The following PALM2AKAP2 variants were observed in gnomAD, a reference collection of about 807,000 sequenced individuals.
PALM2AKAP2 encodes PALM2 and AKAP2 fusion.
PALM2AKAP2 carries 37 observed loss-of-function variants against 71.5 expected under a neutral mutation model. That is an observed-to-expected ratio of 0.52 (90% CI 0.40 to 0.68). The LOEUF (loss-of-function observed/expected upper bound fraction) is 0.68, where lower values mean the gene tolerates loss of function less well. Ranked by LOEUF, PALM2AKAP2 falls within the 30% of genes least tolerant of loss-of-function variation. PALM2AKAP2 has a pLI of 0.00. For missense variants in PALM2AKAP2, 1,224 were observed against 1,191.8 expected, an observed-to-expected ratio of 1.03 and a Z score of -0.40; for synonymous variants, 468 against 478.8, an observed-to-expected ratio of 0.98 and a Z score of 0.29.
At chr9:110,003,962 A>G (rs1329174144) in intron 6 of PALM2AKAP2, among the ~76,000 whole-genome samples, 2 of 152,062 alleles carry the variant, frequency 1.3e-5, no homozygotes, top group Non-Finnish European at 2.9e-5. Context: ...TAGCACACTG[A>G]TGGGTCTTGA....
At chr9:110,150,071 G>A (rs2119181300) in intron 2 of PALM2AKAP2, among the ~76,000 whole-genome samples, 1 of 152,290 alleles carries the variant, frequency 6.6e-6, no homozygotes, top group East Asian at 1.9e-4. Context: ...TTTACATGAA[G>A]TCACAGAGTG....
chr9:110,111,775 G>A (rs769505350), intron 1 of PALM2AKAP2, among the ~76,000 whole-genome samples: 1 of 152,076 alleles, frequency 6.6e-6, no homozygotes, highest in Non-Finnish European at 1.5e-5. Flanking sequence ...ATGGAAGGAT[G>A]AACATTTTAA....
intron 1 of PALM2AKAP2, among the ~76,000 whole-genome samples, chr9:109,836,004 C>A (rs925577703): frequency 2.0e-5 from 3 of 152,196 alleles, no homozygotes; most frequent in Non-Finnish European, 4.4e-5. Context: ...ACTTAAATGT[C>A]CCTGTCTGAC....
intron 1 of PALM2AKAP2, among the ~76,000 whole-genome samples, chr9:109,668,505 G>T (rs1217685641): frequency 6.6e-6 from 1 of 152,232 alleles, no homozygotes; most frequent in Non-Finnish European, 1.5e-5. Context: ...TCAGAGCACA[G>T]CTGAAGCTTA....
intron 1 of PALM2AKAP2, among the ~76,000 whole-genome samples, chr9:109,815,558 G>T (rs1263971924): frequency 6.6e-6 from 1 of 152,250 alleles, no homozygotes; most frequent in South Asian, 2.1e-4. Context: ...AGGTGAAGAT[G>T]AAAGAACTTT....
chr9:110,087,943 A>C (rs1834610941), intron 1 of PALM2AKAP2, among the ~76,000 whole-genome samples: 1 of 152,170 alleles, frequency 6.6e-6, no homozygotes, highest in African/African-American at 2.4e-5. Context: ...TCAAGGGAGG[A>C]GGTCTCTGAG....
chr9:109,666,613 T>C (rs1827489483), intron 1 of PALM2AKAP2, among the ~76,000 whole-genome samples: 1 of 152,244 alleles, frequency 6.6e-6, no homozygotes. Flanking sequence ...CCATGCTTTA[T>C]GCCGTTGCTC....
At chr9:109,996,882 G>A (rs1176072593) in intron 6 of PALM2AKAP2, among the ~76,000 whole-genome samples, 1 of 152,244 alleles carries the variant, frequency 6.6e-6, no homozygotes, top group African/African-American at 2.4e-5. Context: ...ATGTGTGTGT[G>A]CATGTGTGTA....
At chr9:109,858,874 C>T (rs929896722) in intron 1 of PALM2AKAP2, among the ~76,000 whole-genome samples, 4 of 152,150 alleles carry the variant, frequency 2.6e-5, no homozygotes, top group Non-Finnish European at 5.9e-5. Context: ...GATGTTATGA[C>T]CATCAAAGCA....
At chr9:109,838,114 C>T (rs1828535183) in intron 1 of PALM2AKAP2, among the ~76,000 whole-genome samples, 1 of 152,126 alleles carries the variant, frequency 6.6e-6, no homozygotes. Context: ...CAAACTTGAC[C>T]ACTTGGTTGG....
At chr9:109,700,879 G>C (rs1056797334) in intron 1 of PALM2AKAP2, among the ~76,000 whole-genome samples, 3 of 152,080 alleles carry the variant, frequency 2.0e-5, no homozygotes, top group Non-Finnish European at 4.4e-5. Flanking sequence ...AATAAAATTA[G>C]CCTTTCACTG....
chr9:110,023,305 C>CTTTTTTTTTTTTTTTTTTTTT lies in PALM2AKAP2; in HGVS notation c.582+7272_582+7292dup, dbSNP rs149672913. Among the ~76,000 whole-genome samples, 5 of 74,046 alleles carry CTTTTTTTTTTTTTTTTTTTTT rather than the reference C, an allele frequency of 6.8e-5. 1 individual carries two copies. The highest frequency in any genetic ancestry group is 3.1e-4 in the African/African-American group (5 of 16,188). 48.6% of individuals were successfully genotyped at this position (74,046 alleles called of 152,430 possible). On this transcript the variant is annotated intron_variant, in intron 7 of 9. Transcript: ENST00000302798. ...GTGAGATGGTATCTCATTGTGGTTT[C>CTTTTTTTTTTTTTTTTTTTTT]TTTTTTTTTTTTTTTTTTTTTTTTT... is the stretch of plus-strand genomic sequence containing the variant.
At chr9:109,943,531 G>A (rs1387124416) in intron 6 of PALM2AKAP2, 8 of 1,438,878 alleles carry the variant, frequency 5.6e-6, no homozygotes, top group Admixed American at 4.6e-5. Flanking sequence ...GCAAACACCT[G>A]CCTTGCCTTG....
intron 1 of PALM2AKAP2, among the ~76,000 whole-genome samples, chr9:109,833,951 G>A (rs1178949914): frequency 6.6e-6 from 1 of 152,166 alleles, no homozygotes; most frequent in Non-Finnish European, 1.5e-5. Context: ...AGTGGCTCAC[G>A]CCTATAAACC....
At chr9:109,675,811 C>T (rs1183741712) in intron 1 of PALM2AKAP2, among the ~76,000 whole-genome samples, 1 of 152,164 alleles carries the variant, frequency 6.6e-6, no homozygotes, top group African/African-American at 2.4e-5. Flanking sequence ...GGGCATTTTG[C>T]GTACCTCTTC....
At chr9:109,766,550 C>T (rs1165434924) in intron 1 of PALM2AKAP2, among the ~76,000 whole-genome samples, 4 of 152,210 alleles carry the variant, frequency 2.6e-5, no homozygotes, top group Non-Finnish European at 5.9e-5. Flanking sequence ...TGAAATCACC[C>T]TTAAGGCAAA....
At chr9:109,982,190 G>C (rs1036444265) in intron 6 of PALM2AKAP2, among the ~76,000 whole-genome samples, 1 of 152,130 alleles carries the variant, frequency 6.6e-6, no homozygotes. Context: ...AGTGAAATAA[G>C]CTAGTCATAG....
rs140904370 is a variant in PALM2AKAP2 at position 110,166,261 on chromosome 9, C to T, written c.2749-2138C>T. Reference sequence around the variant, plus strand: ...ATGATCCCCATTTTACATGGGGATACTGAAGCACAGGGGTAAGTGACTTTT... The same window carrying T: ...ATGATCCCCATTTTACATGGGGATATTGAAGCACAGGGGTAAGTGACTTTT... On this transcript the variant is annotated intron_variant, in intron 3 of 3. Coordinates refer to ENST00000374525, the Ensembl canonical transcript of PALM2AKAP2. Among the ~76,000 whole-genome samples, 235 of 152,312 alleles carry T rather than the reference C, an allele frequency of 1.5e-3. 1 individual carries two copies. Among genetic ancestry groups the T allele is most frequent in the African/African-American group, 5.5e-3 (229 of 41,556 alleles).
intron 1 of PALM2AKAP2, among the ~76,000 whole-genome samples, chr9:109,756,884 G>A (rs1828972028): frequency 6.6e-6 from 1 of 151,966 alleles, no homozygotes; most frequent in Non-Finnish European, 1.5e-5. Context: ...GTGATATTTT[G>A]AGTACATGTA....
Sources: allele counts gnomAD v4.1 joint callset (sites outside exome capture counted in the v4.1 genomes callset), GRCh38; gene constraint gnomAD v4.1.1; transcripts MANE v1.5; gene names NCBI Gene and HGNC (gene_info 2026-07-23, HGNC 2026-07-21).